LEKR1: variants seen among roughly 807,000 people sequenced by gnomAD.
LEKR1 encodes the protein protein LEKR1.
A neutral mutation model predicts 72.4 loss-of-function variants in LEKR1; 59 were observed. That is an observed-to-expected ratio of 0.82 (90% CI 0.66 to 1.01). The LOEUF (loss-of-function observed/expected upper bound fraction) is 1.01. LEKR1 is among the 50% of genes least tolerant of loss of function. LEKR1 has a pLI of 0.00. For synonymous variants in LEKR1, 257 were observed against 263.2 expected, an observed-to-expected ratio of 0.98 and a Z score of 0.23; for missense variants, 728 against 759.2, an observed-to-expected ratio of 0.96 and a Z score of 0.48.
chr3:156,924,529 C>G (rs1431483196), intron 4 of LEKR1: 1 of 676,440 alleles, frequency 1.5e-6, no homozygotes, highest in African/African-American at 1.8e-5. Context: ...AGAACTCTGT[C>G]TAAGCCGGTC....
chr3:156,959,143 G>T (rs1727899950), intron 6 of LEKR1, among the ~76,000 whole-genome samples: 1 of 152,064 alleles, frequency 6.6e-6, no homozygotes, highest in South Asian at 2.1e-4. Flanking sequence ...ACATTACAGT[G>T]AATATCTTCT....
chr3:156,950,884 T>C (rs1576885082), intron 6 of LEKR1, among the ~76,000 whole-genome samples: 1 of 142,116 alleles, frequency 7.0e-6, no homozygotes, highest in African/African-American at 2.5e-5. Flanking sequence ...TTGCTCTGGC[T>C]TAGGACTTCC....
chr3:156,995,140 C>G (rs1048306688), intron 9 of LEKR1, among the ~76,000 whole-genome samples: 1 of 152,124 alleles, frequency 6.6e-6, no homozygotes, highest in Admixed American at 6.6e-5. Context: ...TCCCCTTTTT[C>G]TATGCTTAAT....
chr3:156,970,765 A>T (rs1474558430), intron 6 of LEKR1, among the ~76,000 whole-genome samples: 3 of 152,220 alleles, frequency 2.0e-5, no homozygotes, highest in African/African-American at 4.8e-5. Flanking sequence ...TAAAATACCT[A>T]GGAATCCAAC....
intron 6 of LEKR1, among the ~76,000 whole-genome samples, chr3:156,948,953 A>G (rs887137303): frequency 3.3e-5 from 5 of 151,528 alleles, no homozygotes; most frequent in African/African-American, 1.2e-4. Context: ...GGCCTCATGT[A>G]TGTCTTCTTT....
intron 3 of LEKR1, among the ~76,000 whole-genome samples, chr3:156,890,405 TA>T (rs1720530837): frequency 6.6e-6 from 1 of 152,176 alleles, no homozygotes; most frequent in Admixed American, 6.5e-5. Flanking sequence ...ATCTAAATGA[TA>T]AAATATTAAT....
At chr3:156,980,818 A>T (rs1730133673) in intron 7 of LEKR1, among the ~76,000 whole-genome samples, 1 of 152,204 alleles carries the variant, frequency 6.6e-6, no homozygotes, top group Non-Finnish European at 1.5e-5. Flanking sequence ...AAGAAGCTTA[A>T]CATAGAAATG....
intron 10 of LEKR1, among the ~76,000 whole-genome samples, chr3:157,012,043 T>C (rs542716901): frequency 6.6e-6 from 1 of 152,236 alleles, no homozygotes; most frequent in African/African-American, 2.4e-5. Flanking sequence ...GACTTTTTTA[T>C]AGTTTTCAAA....
chr3:156,986,545 C>T (rs1341988189), intron 7 of LEKR1, among the ~76,000 whole-genome samples: 3 of 152,022 alleles, frequency 2.0e-5, no homozygotes, highest in African/African-American at 4.8e-5. Context: ...GGAAGTGAAA[C>T]GAAAGAATAA....
At chr3:156,828,181 G>A (rs768823035) in intron 1 of LEKR1, among the ~76,000 whole-genome samples, 4 of 152,210 alleles carry the variant, frequency 2.6e-5, no homozygotes, top group Non-Finnish European at 5.9e-5. Context: ...TCACTGAAAT[G>A]AGTCTTTGTG....
intron 3 of LEKR1, among the ~76,000 whole-genome samples, chr3:156,878,254 A>G (rs976364729): frequency 6.6e-6 from 1 of 152,032 alleles, no homozygotes; most frequent in African/African-American, 2.4e-5. Context: ...TTTTGATATA[A>G]GCATTTAGTG....
chr3:156,903,194 C>G (rs935656608), intron 3 of LEKR1, among the ~76,000 whole-genome samples: 12 of 152,086 alleles, frequency 7.9e-5, no homozygotes, highest in African/African-American at 2.9e-4. Context: ...AATATTCCCA[C>G]AAATGATGTT....
At position 156,923,402 on chromosome 3, in the gene LEKR1, G is replaced by A. The variant is rs547881191; in HGVS notation, c.383+2708G>A. 2.0e-4 allele frequency among the ~76,000 whole-genome samples: 30 copies of A among 152,222 alleles called. No homozygotes were observed. In the South Asian group the frequency reaches 2.3e-3, roughly 12 times the overall value. ...CTTTCTATAGATTTATACTTTTCTC[G>A]ACATTTCAGATATATGGAATCATAC... On this transcript the variant is annotated intron_variant, in intron 4 of 12. Transcript: ENST00000356539.
intron 3 of LEKR1, among the ~76,000 whole-genome samples, chr3:156,871,105 C>A (rs567683609): frequency 3.9e-5 from 6 of 151,984 alleles, no homozygotes; most frequent in Admixed American, 6.6e-5. Context: ...ATCTCTCCCC[C>A]CTCCCCCCAA....
chr3:157,030,257 G>A, intron 12 of LEKR1, among the ~76,000 whole-genome samples: 1 of 152,134 alleles, frequency 6.6e-6, no homozygotes. Context: ...TGAAGGATCT[G>A]CTGCCATGAT....
intron 9 of LEKR1, among the ~76,000 whole-genome samples, chr3:157,002,409 G>A (rs565162943): frequency 4.0e-4 from 61 of 152,132 alleles, no homozygotes; most frequent in Non-Finnish European, 6.2e-4. Flanking sequence ...TGAACAATGT[G>A]TGAGCAGCCC....
At chr3:157,025,542 T>G (rs1320114111) in intron 11 of LEKR1, among the ~76,000 whole-genome samples, 4 of 152,154 alleles carry the variant, frequency 2.6e-5, no homozygotes, top group African/African-American at 9.7e-5. Flanking sequence ...CTGTGTTAAT[T>G]AAGCATCAGA....
At chr3:156,859,891 A>G (rs1156412495) in intron 3 of LEKR1, among the ~76,000 whole-genome samples, 2 of 152,016 alleles carry the variant, frequency 1.3e-5, no homozygotes, top group Non-Finnish European at 2.9e-5. Context: ...CCCTTCCCCT[A>G]CTCAGCTAGG....
chr3:156,884,327 T>C (rs956130111), intron 3 of LEKR1, among the ~76,000 whole-genome samples: 2 of 152,212 alleles, frequency 1.3e-5, no homozygotes, highest in African/African-American at 4.8e-5. Flanking sequence ...GTTGTTGCGT[T>C]AATACCTGTT....
Sources: gnomAD v4.1 joint callset for allele counts (sites outside exome capture counted in the v4.1 genomes callset) on GRCh38, gnomAD v4.1.1 for gene constraint, MANE v1.5 for transcripts, NCBI Gene and HGNC (gene_info 2026-07-23, HGNC 2026-07-21) for gene names.